The following LHX1 variants were observed in gnomAD, a reference collection of about 807,000 sequenced individuals.
The protein encoded by LHX1 is LIM homeobox 1, also known as LIM/homeobox protein Lhx1.
Under a neutral mutation model 34.1 loss-of-function variants are expected in LHX1, and 9 were observed. The observed-to-expected ratio is 0.26, with a 90% CI of 0.16 to 0.46. The LOEUF is 0.46. Among genes scored for constraint, LHX1 ranks in the 20% least tolerant of loss-of-function variants. LHX1 has a pLI of 1.00. For missense variants in LHX1, 446 were observed against 559.1 expected (o/e 0.80, Z 2.04); for synonymous variants, 254 against 241.5 (o/e 1.05, Z -0.48).
chr17:36,938,647 G>A, intron 1 of LHX1: 1 of 557,676 alleles, frequency 1.8e-6, no homozygotes, highest in Non-Finnish European at 3.2e-6. Flanking sequence ...TTCAAGCTTG[G>A]AAGAGACAGG....
intron 1 of LHX1, 51 bp from the exon 2 acceptor site, chr17:36,940,238 GC>G: frequency 9.5e-7 from 1 of 1,051,322 alleles, no homozygotes; most frequent in Non-Finnish European, 1.4e-6. Context: ...GTCTCCCCTT[GC>G]CCCTGGCTGA....
upstream of LHX1, chr17:36,937,375 G>T (rs542444468): frequency 2.6e-4 from 89 of 336,298 alleles, no homozygotes; most frequent in African/African-American, 1.9e-3. Context: ...AGGAGCGAGT[G>T]CGCCTGGCTG....
At chr17:36,941,361 C>T (rs186054323) in intron 3 of LHX1, 2 of 343,964 alleles carry the variant, frequency 5.8e-6, no homozygotes, top group Admixed American at 8.0e-5. Flanking sequence ...AGGGACTTCC[C>T]CTCCAAAGAG....
chr17:36,942,615 C>A (rs1045374384), intron 4 of LHX1, 137 bp from the exon 5 acceptor site: 73 of 1,065,874 alleles, frequency 6.8e-5, no homozygotes, highest in Non-Finnish European at 9.1e-5. Context: ...GCACCCAGGC[C>A]CGCGAGGGCT....
chr17:36,942,115 G>A (rs1285329837), intron 3 of LHX1, 85 bp from the exon 4 acceptor site: 2 of 1,405,528 alleles, frequency 1.4e-6, no homozygotes, highest in East Asian at 4.9e-5. Flanking sequence ...CTAGCCAGGC[G>A]GTGAAGGGGT....
In LHX1 at chr17:36,943,370, A is replaced by C. The variant is rs2070781366; in HGVS notation, c.*239A>C. On this transcript the variant is annotated 3_prime_UTR_variant, in exon 5 of 5. Transcript: ENST00000614239. ...TCGACGTGCAGAACTGGGGCTCCCC[A>C]AAGGAAACGCAGACCTCTCCCCAAC... 1 of 507,226 alleles carries C rather than the reference A, an allele frequency of 2.0e-6. No homozygotes were observed. Among genetic ancestry groups the C allele is most frequent in the African/African-American group, 2.0e-5 (1 of 50,380 alleles). 31.4% of individuals were successfully genotyped at this position (507,226 alleles called of 1,614,324 possible). A position where few individuals can be genotyped will look rare whatever the true frequency, so the allele number is the denominator to read the frequency against.
chr17:36,942,340 C>T lies in LHX1; in HGVS notation c.816C>T (p.Pro272=). The T allele has an allele frequency of 6.3e-7, 1 of 1,589,542 alleles. No individual in the cohort carries two copies. Among genetic ancestry groups the T allele is most frequent in the Non-Finnish European group, 8.6e-7 (1 of 1,169,046 alleles). ...GCCTGGAGCCGGGCGAGCTCATCCC[C>T]AATGGTCCCTTCTCCTTCTACGGAG... The part of the protein sequence containing the change: ...VDRLEPGELI[P]NGPFSFYGDY... The change falls in exon 4 of 5, where the codon CCC becomes CCT. Residue 272 remains proline (P), a synonymous_variant. Transcript: ENST00000614239.
rs1469183848 is a variant in LHX1 at position 36,943,165 on chromosome 17, G to A, written c.*34G>A. On this transcript the variant is annotated 3_prime_UTR_variant, in exon 5 of 5. Transcript: ENST00000614239. The stretch of plus-strand genomic sequence containing the variant: ...CGCACGGTCTGCGGAGTTCGTGGTT[G>A]TACAGAAATGAACCTTTATTTAAGA... The A allele has an allele frequency of 6.3e-7, 1 of 1,593,284 alleles. No homozygotes were observed. The highest frequency in any genetic ancestry group is 1.1e-5 in the South Asian group (1 of 89,886).
chr17:36,943,085 A>ACCACCTGTC lies in LHX1; in HGVS notation c.1181_1189dup (p.Leu394_His396dup), dbSNP rs1567958397. On this transcript the variant is annotated inframe_insertion, in exon 5 of 5. Transcript: ENST00000614239. ...GTCAACGGTGGGGCGAGCTACGGAA[A>ACCACCTGTC]CCACCTGTCCCACCCCCCCGAAATG... 6.2e-7 allele frequency: 1 copy of ACCACCTGTC among 1,611,326 alleles called. No homozygotes were observed. Among genetic ancestry groups the ACCACCTGTC allele is most frequent in the East Asian group, 2.2e-5 (1 of 44,788 alleles).
At chr17:36,937,336 C>A, upstream of LHX1, 1 of 381,986 alleles carries the variant, frequency 2.6e-6, no homozygotes, top group South Asian at 1.8e-5. Flanking sequence ...AGGCCAAGGG[C>A]CGAGGTGACT....
At chr17:36,939,303 G>A (rs2142180234) in intron 1 of LHX1, among the ~76,000 whole-genome samples, 1 of 152,342 alleles carries the variant, frequency 6.6e-6, no homozygotes, top group South Asian at 2.1e-4. Flanking sequence ...CCCTACGGAT[G>A]TGAAATATCG....
At position 36,942,819 on chromosome 17, in the gene LHX1, G is replaced by A. The variant is rs144896333; in HGVS notation, c.909G>A (p.Ser303=). Reference sequence around the variant, plus strand: ...TCTTCCCGCAAGGCCCCCCGTCCTCGCAGGCCCAGACACCAGTGGACCTAC... The same window carrying A: ...TCTTCCCGCAAGGCCCCCCGTCCTCACAGGCCCAGACACCAGTGGACCTAC... ...YDFFPQGPPS[S]QAQTPVDLPF... The change falls in exon 5 of 5, where the codon TCG becomes TCA. Residue 303 remains serine, a synonymous_variant. Coordinates refer to ENST00000614239, the MANE Select transcript of LHX1 (RefSeq NM_005568.5). The A allele has an allele frequency of 1.3e-5, 21 of 1,560,546 alleles. No homozygotes were observed. The highest frequency in any genetic ancestry group is 1.8e-5 in the Non-Finnish European group (21 of 1,149,438).
chr17:36,940,266 C>CCCCCCA (rs757907025), intron 1 of LHX1, 24 bp from the exon 2 acceptor site: 2 of 400,358 alleles, frequency 5.0e-6, no homozygotes, highest in East Asian at 6.2e-5. Context: ...CCCGCCCCCG[C>CCCCCCA]CCCCCACCCC....
Position 36,940,812 on chromosome 17 carries a change from T to C in LHX1, c.600T>C (p.Ala200=), listed in dbSNP as rs1236847973. 1.3e-6 allele frequency: 2 copies of C among 1,597,926 alleles called. No homozygotes were observed. The highest frequency in any genetic ancestry group is 1.7e-5 in the Admixed American group (1 of 58,258). The part of the protein sequence containing the change: ...KQLETLKAAF[A]ATPKPTRHIR... ...TGGAGACGCTGAAGGCCGCCTTCGC[T>C]GCTACACCCAAGCCCACCCGCCACA... The change falls in exon 3 of 5, where the codon GCT becomes GCC. Residue 200 remains alanine, a synonymous_variant. Coordinates refer to ENST00000614239, the MANE Select transcript of LHX1 (RefSeq NM_005568.5).
At chr17:36,937,209 G>A, upstream of LHX1, 1 of 453,540 alleles carries the variant, frequency 2.2e-6, no homozygotes, top group Non-Finnish European at 4.4e-6. Context: ...AGGCGGCCGC[G>A]AGTTGTGACT....
In LHX1 at chr17:36,944,577, G is replaced by T. The variant is rs1329086512; in HGVS notation, c.*1446G>T. On this transcript the variant is annotated 3_prime_UTR_variant, in exon 5 of 5. Transcript: ENST00000614239. ...GAAAGAAAACATGTTGAATAAATTT[G>T]TGAGTTTTTAATAAAAATAGAAAAT... 1 of 152,204 alleles carries T rather than the reference G, an allele frequency of 6.6e-6. No individual in the cohort carries two copies. Among genetic ancestry groups the T allele is most frequent in the Admixed American group, 6.5e-5 (1 of 15,286 alleles). The allele number at this position is 152,204 out of a possible 1,614,324, so 9.4% of individuals were successfully genotyped here. A position where few individuals can be genotyped will look rare whatever the true frequency, so the allele number is the denominator to read the frequency against.
Position 36,938,137 on chromosome 17 carries a change from T to C in LHX1, c.-61T>C. 1 of 1,539,928 alleles carries C rather than the reference T, an allele frequency of 6.5e-7. No individual in the cohort carries two copies. Among genetic ancestry groups the C allele is most frequent in the South Asian group, 1.1e-5 (1 of 89,544 alleles). ...TCGTGCCGATTGTCTTCAGGAGTCATCCCCTGGGCTCTACTTTGCCCCTCT... is the reference window on the plus strand; with the variant it reads ...TCGTGCCGATTGTCTTCAGGAGTCACCCCCTGGGCTCTACTTTGCCCCTCT... On this transcript the variant is annotated 5_prime_UTR_variant, in exon 1 of 5. Coordinates refer to ENST00000614239, the MANE Select transcript of LHX1 (RefSeq NM_005568.5).
intron 1 of LHX1, among the ~76,000 whole-genome samples, chr17:36,939,163 C>T (rs1370148869): frequency 1.3e-5 from 2 of 152,230 alleles, no homozygotes; most frequent in Admixed American, 6.5e-5. Context: ...GGTGGGGAGA[C>T]TTCTCCCTAC....
rs1429535084 is a variant in LHX1, at chr17:36,943,132, C to G, written c.*1C>G. 1 of 1,611,574 alleles carries G rather than the reference C, an allele frequency of 6.2e-7. No individual in the cohort carries two copies. Among genetic ancestry groups the G allele is most frequent in the South Asian group, 1.1e-5 (1 of 91,016 alleles). ...AATGAACGAGGCGGCCGTGTGGTAG[C>G]GGGGTCTCGCACGGTCTGCGGAGTT... On this transcript the variant is annotated 3_prime_UTR_variant, in exon 5 of 5. Coordinates refer to ENST00000614239, the MANE Select transcript of LHX1 (RefSeq NM_005568.5).
Sources: allele counts gnomAD v4.1 joint callset (sites outside exome capture counted in the v4.1 genomes callset), GRCh38; gene constraint gnomAD v4.1.1; transcripts MANE v1.5; gene names NCBI Gene and HGNC (gene_info 2026-07-23, HGNC 2026-07-21).